The following RASSF6 variants were observed in gnomAD, a reference collection of about 807,000 sequenced individuals.
RASSF6 encodes the protein Ras association domain family member 6.
RASSF6 carries 52 observed loss-of-function variants against 44.0 expected under a neutral mutation model. That is an observed-to-expected ratio of 1.18 (90% CI 0.95 to 1.49). RASSF6 has a LOEUF of 1.49. Among genes scored for constraint, RASSF6 ranks in the 40% most tolerant of loss-of-function variants. The pLI is 0.00. For missense variants in RASSF6, 464 were observed against 393.3 expected (o/e 1.18, Z -1.52); for synonymous variants, 162 against 124.6 (o/e 1.30, Z -2.00).
At chr4:73,591,437 A>G (rs1197857746) in intron 4 of RASSF6, among the ~76,000 whole-genome samples, 1 of 152,248 alleles carries the variant, frequency 6.6e-6, no homozygotes. Flanking sequence ...TGCATCAAAT[A>G]GATGTGACTG....
intron 2 of RASSF6, among the ~76,000 whole-genome samples, chr4:73,601,765 C>A (rs1338268589): frequency 2.6e-5 from 4 of 152,176 alleles, no homozygotes; most frequent in African/African-American, 9.7e-5. Context: ...TCTAATATAA[C>A]CTTGAAAATA....
At position 73,620,403 on chromosome 4, in the gene RASSF6, T is replaced by C. The variant is rs764405593; in HGVS notation, c.-150A>G. On this transcript the variant is annotated 5_prime_UTR_variant, in exon 1 of 11. Transcript: ENST00000307439. The stretch of plus-strand genomic sequence containing the variant: ...CTCTGGTAGAGGGAAACCAGTGCCC[T>C]GTCTCTGCCGGGCTGGGACTCCGCG... 5.9e-6 allele frequency: 9 copies of C among 1,537,716 alleles called. No individual in the cohort carries two copies. In the South Asian group the frequency reaches 1.1e-4, roughly 19 times the overall value.
At chr4:73,602,438 C>A (rs1725333379) in intron 2 of RASSF6, among the ~76,000 whole-genome samples, 1 of 152,132 alleles carries the variant, frequency 6.6e-6, no homozygotes, top group Non-Finnish European at 1.5e-5. Context: ...CAGAAGGGAC[C>A]TATAATAATT....
chr4:73,586,200 G>A (rs10029673), intron 5 of RASSF6, among the ~76,000 whole-genome samples: 42,263 of 151,210 alleles, frequency 0.28, 6,124 homozygotes, highest in Admixed American at 0.41. Context: ...ATCACATTAT[G>A]TTCTTTTTAG....
intron 1 of RASSF6, among the ~76,000 whole-genome samples, chr4:73,619,673 C>A (rs1047254219): frequency 6.6e-6 from 1 of 152,088 alleles, no homozygotes; most frequent in Non-Finnish European, 1.5e-5. Context: ...GTGGCAAAGC[C>A]GAGCTTTGAA....
At chr4:73,595,960 CA>C (rs1295148082) in intron 3 of RASSF6, among the ~76,000 whole-genome samples, 1 of 152,046 alleles carries the variant, frequency 6.6e-6, no homozygotes, top group Non-Finnish European at 1.5e-5. Flanking sequence ...GAAATTAAAT[CA>C]GGAGTAGAAA....
intron 8 of RASSF6, among the ~76,000 whole-genome samples, chr4:73,577,586 C>T (rs72649113): frequency 0.025 from 3,830 of 152,214 alleles, 62 homozygotes; most frequent in Non-Finnish European, 0.042. Context: ...AAAAGCCCAG[C>T]CTCCCCACAA....
rs1342215400 is a variant in RASSF6, at chr4:73,607,980, A to C, written c.65+3751T>G. Among the ~76,000 whole-genome samples the C allele has an allele frequency of 7.1e-4, 3 of 4,220 alleles. 1 individual carries two copies. Among genetic ancestry groups the C allele is most frequent in the African/African-American group, 2.9e-3 (3 of 1,050 alleles). 2.8% of individuals were successfully genotyped at this position (4,220 alleles called of 152,430 possible). On this transcript the variant is annotated intron_variant, in intron 2 of 10. Coordinates refer to ENST00000307439, the MANE Select transcript of RASSF6 (RefSeq NM_177532.5). ...CATCCCCTCCCCTCCCCTCCTCTCT[A>C]CTCTTCTTCCTCTCCCCTTCTCTCC...
Position 73,585,216 on chromosome 4 carries a change from ATTTTTCTGTC to A in RASSF6, c.521_530del (p.Arg174IlefsTer29). ...AGAAGTGTCCATTAATAGAGGCTCT[ATTTTTCTGTC>A]TTTCTTTTCTGTCCATCATCAGAGG... On this transcript the variant is annotated frameshift_variant, in exon 6 of 11. Transcript: ENST00000307439. LOFTEE classifies it high-confidence loss of function. 1.2e-6 allele frequency: 2 copies of A among 1,610,308 alleles called. No homozygotes were observed.
chr4:73,620,159 C>A, intron 1 of RASSF6, 129 bp downstream of exon 1: 1 of 482,762 alleles, frequency 2.1e-6, no homozygotes, highest in South Asian at 3.6e-5. Flanking sequence ...GGCATGTGTG[C>A]GATTCAGGCT....
chr4:73,586,823 G>C (rs1364673569), intron 5 of RASSF6, among the ~76,000 whole-genome samples: 4 of 150,310 alleles, frequency 2.7e-5, no homozygotes, highest in Admixed American at 6.7e-5. Context: ...GGCATAAAGA[G>C]AAAAGGGAAC....
intron 2 of RASSF6, among the ~76,000 whole-genome samples, chr4:73,607,549 T>A (rs1725724691): frequency 6.6e-6 from 1 of 152,186 alleles, no homozygotes; most frequent in South Asian, 2.1e-4. Context: ...TAGAACTGGG[T>A]TCCTTCCCTC....
intron 4 of RASSF6, among the ~76,000 whole-genome samples, chr4:73,589,659 C>T (rs1724374130): frequency 6.6e-6 from 1 of 152,030 alleles, no homozygotes. Flanking sequence ...AGCATCACCC[C>T]ATACAACTGT....
intron 2 of RASSF6, among the ~76,000 whole-genome samples, chr4:73,603,005 G>A (rs1204161480): frequency 6.6e-6 from 1 of 151,960 alleles, no homozygotes; most frequent in Non-Finnish European, 1.5e-5. Context: ...GGAGAATGGC[G>A]TGAACCCGGG....
At chr4:73,613,113 T>C (rs1232180916) in intron 1 of RASSF6, among the ~76,000 whole-genome samples, 3 of 152,198 alleles carry the variant, frequency 2.0e-5, no homozygotes, top group Non-Finnish European at 2.9e-5. Context: ...CCTTGTATTG[T>C]CATTATTGAT....
intron 9 of RASSF6, 22 bp downstream of exon 9, chr4:73,576,591 T>A (rs1362331345): frequency 6.3e-7 from 1 of 1,584,434 alleles, no homozygotes; most frequent in Non-Finnish European, 8.7e-7. Flanking sequence ...AAAAAACAGA[T>A]TCAGGGTGAT....
chr4:73,611,131 G>T (rs1725978507), intron 2 of RASSF6, among the ~76,000 whole-genome samples: 1 of 151,868 alleles, frequency 6.6e-6, no homozygotes, highest in Non-Finnish European at 1.5e-5. Context: ...TCATGTTTCA[G>T]TACCACTTAT....
At chr4:73,595,453 C>A in intron 3 of RASSF6, among the ~76,000 whole-genome samples, 1 of 152,124 alleles carries the variant, frequency 6.6e-6, no homozygotes, top group East Asian at 1.9e-4. Flanking sequence ...CCTGCCTCGG[C>A]CTCCCAAAGT....
intron 4 of RASSF6, among the ~76,000 whole-genome samples, chr4:73,590,591 G>A (rs1724469753): frequency 6.6e-6 from 1 of 152,192 alleles, no homozygotes; most frequent in Non-Finnish European, 1.5e-5. Context: ...GATACCTTAG[G>A]TGGCTATGCA....
Sources: allele counts gnomAD v4.1 joint callset (sites outside exome capture counted in the v4.1 genomes callset), GRCh38; gene constraint gnomAD v4.1.1; transcripts MANE v1.5; gene names NCBI Gene and HGNC (gene_info 2026-07-23, HGNC 2026-07-21).